The following EPHA3 variants were observed in gnomAD, a reference collection of about 807,000 sequenced individuals.
EPHA3 encodes EPH receptor A3.
In EPHA3, 42 loss-of-function variants were observed where a neutral mutation model predicts 107.1. The observed-to-expected ratio is 0.39, with a 90% CI of 0.31 to 0.51. EPHA3 has a LOEUF of 0.51. Ranked by LOEUF, EPHA3 falls within the 20% of genes least tolerant of loss-of-function variation. The pLI, the probability that EPHA3 is intolerant of heterozygous loss-of-function variation, is 0.78. For synonymous variants in EPHA3, 461 were observed against 424.8 expected (o/e 1.09, Z -1.05); for missense variants, 1,183 against 1,211.2 (o/e 0.98, Z 0.35).
chr3:89,134,300 G>A (rs1259503851), intron 2 of EPHA3, among the ~76,000 whole-genome samples: 2 of 151,658 alleles, frequency 1.3e-5, no homozygotes, highest in African/African-American at 2.4e-5. Context: ...CACGTGCCAT[G>A]TTGGTGTGCT....
At chr3:89,147,582 C>A (rs978965670) in intron 2 of EPHA3, among the ~76,000 whole-genome samples, 1 of 151,872 alleles carries the variant, frequency 6.6e-6, no homozygotes, top group African/African-American at 2.4e-5. Context: ...CAGACACGAA[C>A]AGAATCGTGT....
intron 3 of EPHA3, among the ~76,000 whole-genome samples, chr3:89,278,243 G>C (rs1460468456): frequency 2.0e-5 from 3 of 152,096 alleles, no homozygotes; most frequent in Non-Finnish European, 2.9e-5. Flanking sequence ...TATTCAGACA[G>C]GGTATCATGT....
chr3:89,412,596 G>C (rs1351913429), intron 9 of EPHA3, among the ~76,000 whole-genome samples: 1 of 151,542 alleles, frequency 6.6e-6, no homozygotes, highest in African/African-American at 2.4e-5. Flanking sequence ...TAATTACAGT[G>C]GGACATTTTG....
chr3:89,161,097 C>G (rs1455467328), intron 2 of EPHA3, among the ~76,000 whole-genome samples: 18 of 152,100 alleles, frequency 1.2e-4, no homozygotes, highest in Non-Finnish European at 2.4e-4. Context: ...AAATCTCCAC[C>G]AAACTCTGGT....
chr3:89,220,274 A>G (rs1704340329), intron 3 of EPHA3, among the ~76,000 whole-genome samples: 2 of 152,148 alleles, frequency 1.3e-5, no homozygotes, highest in Non-Finnish European at 2.9e-5. Flanking sequence ...ACATCTTGTG[A>G]TTGTGCTTCA....
intron 9 of EPHA3, among the ~76,000 whole-genome samples, chr3:89,412,862 G>C (rs1287056871): frequency 1.3e-5 from 2 of 151,634 alleles, no homozygotes; most frequent in South Asian, 4.1e-4. Context: ...TTCTTCTTAA[G>C]ATCCCCTTTT....
intron 3 of EPHA3, among the ~76,000 whole-genome samples, chr3:89,316,354 A>G (rs1306765691): frequency 6.6e-6 from 1 of 151,346 alleles, no homozygotes; most frequent in East Asian, 2.0e-4. Context: ...CACAGCATCA[A>G]TGACATTCCA....
chr3:89,277,841 C>A (rs872976), intron 3 of EPHA3, among the ~76,000 whole-genome samples: 73,550 of 151,908 alleles, frequency 0.48, 19,005 homozygotes, highest in East Asian at 0.71. Flanking sequence ...CTGTTTTCTC[C>A]TTTTTAAACA....
At position 89,429,138 on chromosome 3, in the gene EPHA3, G is replaced by A. The variant is rs1317503899; in HGVS notation, c.2107G>A (p.Glu703Lys). ...KPVMIVTEYM[E>K]NGSLDSFLRK... ...AGTTATGATTGTCACAGAATACATG[G>A]AGAATGGTTCCTTGGATAGTTTCCT... The change falls in exon 12 of 17, where the codon GAG becomes AAG. Residue 703 changes from glutamate (E) to lysine (K), a missense_variant. Transcript: ENST00000336596. 6.2e-7 allele frequency: 1 copy of A among 1,610,804 alleles called. No individual in the cohort carries two copies. The highest frequency in any genetic ancestry group is 8.5e-7 in the Non-Finnish European group (1 of 1,177,688).
chr3:89,405,868 TAGG>T (rs1349888995), intron 7 of EPHA3, among the ~76,000 whole-genome samples: 1 of 152,138 alleles, frequency 6.6e-6, no homozygotes, highest in South Asian at 2.1e-4. Flanking sequence ...ATGGAGTTTG[TAGG>T]AGATGTGGCT....
chr3:89,374,998 C>G (rs543009681), intron 5 of EPHA3, among the ~76,000 whole-genome samples: 2 of 151,758 alleles, frequency 1.3e-5, no homozygotes, highest in African/African-American at 2.4e-5. Flanking sequence ...TGTATCACAG[C>G]TTACAACTCA....
chr3:89,162,541 C>T (rs541109955), intron 2 of EPHA3, among the ~76,000 whole-genome samples: 1 of 152,242 alleles, frequency 6.6e-6, no homozygotes, highest in East Asian at 1.9e-4. Context: ...CTCTCCTTCT[C>T]CTCAATTGTA....
chr3:89,325,546 A>T (rs557774975), intron 3 of EPHA3, among the ~76,000 whole-genome samples: 58 of 152,294 alleles, frequency 3.8e-4, no homozygotes, highest in African/African-American at 1.4e-3. Context: ...ATGTGCCACC[A>T]AATTAATCTG....
intron 1 of EPHA3, among the ~76,000 whole-genome samples, chr3:89,116,150 G>A (rs557788897): frequency 2.0e-5 from 3 of 152,052 alleles, no homozygotes; most frequent in South Asian, 2.1e-4. Flanking sequence ...TTCTTCACAC[G>A]TTCTTACCTC....
intron 5 of EPHA3, among the ~76,000 whole-genome samples, chr3:89,361,535 G>T (rs1177990349): frequency 6.6e-6 from 1 of 150,972 alleles, no homozygotes; most frequent in African/African-American, 2.4e-5. Flanking sequence ...ATTCTGAATG[G>T]CATTTATCTT....
chr3:89,408,348 T>G (rs1356487613), intron 9 of EPHA3, among the ~76,000 whole-genome samples: 1 of 152,160 alleles, frequency 6.6e-6, no homozygotes, highest in African/African-American at 2.4e-5. Context: ...TAAGCTAAAA[T>G]AAAGGGTAAT....
At chr3:89,121,755 C>A (rs1417461717) in intron 1 of EPHA3, among the ~76,000 whole-genome samples, 26 of 133,112 alleles carry the variant, frequency 2.0e-4, no homozygotes, top group East Asian at 1.3e-3. Flanking sequence ...GACCCCGTCT[C>A]AAAAAAAAAA....
chr3:89,185,580 G>A (rs528575690), intron 2 of EPHA3, among the ~76,000 whole-genome samples: 5 of 152,102 alleles, frequency 3.3e-5, no homozygotes, highest in Non-Finnish European at 5.9e-5. Flanking sequence ...ACTGTCTTTT[G>A]TATCTTCTCT....
intron 5 of EPHA3, among the ~76,000 whole-genome samples, chr3:89,345,914 A>G (rs1287333805): frequency 6.9e-6 from 1 of 145,656 alleles, no homozygotes. Context: ...ATGATTTCCA[A>G]TTTCATCCAT....
Sources: allele counts gnomAD v4.1 joint callset (sites outside exome capture counted in the v4.1 genomes callset), GRCh38; gene constraint gnomAD v4.1.1; transcripts MANE v1.5; gene names NCBI Gene and HGNC (gene_info 2026-07-23, HGNC 2026-07-21).